KLHL13: variants seen among roughly 807,000 people sequenced by gnomAD.
The protein encoded by KLHL13 is kelch like family member 13, also known as kelch-like protein 13.
A neutral mutation model predicts 37.1 loss-of-function variants in KLHL13; 10 were observed. The ratio of observed to expected loss-of-function variants is 0.27; its 90% CI spans 0.17 to 0.46. KLHL13 has a LOEUF of 0.46. Ranked by LOEUF, KLHL13 falls within the 20% of genes least tolerant of loss-of-function variation. The probability of loss-of-function intolerance (pLI) is 1.00; values close to 1 mark genes in which losing one functional copy is unlikely to be tolerated. For synonymous variants in KLHL13, 163 were observed against 181.2 expected (o/e 0.90, Z 0.81); for missense variants, 360 against 509.3 (o/e 0.71, Z 2.82).
intron 5 of KLHL13, among the ~76,000 whole-genome samples, chrX:117,907,663 C>T (rs1296268904): frequency 7.2e-5 from 8 of 111,398 alleles, no homozygotes. Context: ...ACACTAAGGA[C>T]ACTTATGCCT....
chrX:118,031,003 G>C, intron 1 of KLHL13, among the ~76,000 whole-genome samples: 1 of 111,480 alleles, frequency 9.0e-6, no homozygotes, highest in Non-Finnish European at 1.9e-5. Context: ...AGATTCTCCA[G>C]AAAATAAACT....
intron 1 of KLHL13, among the ~76,000 whole-genome samples, chrX:118,103,246 T>A (rs181147213): frequency 8.9e-6 from 1 of 111,946 alleles, no homozygotes; most frequent in East Asian, 2.8e-4. Context: ...ATGCATAGAT[T>A]TTTTATTCTA....
intron 1 of KLHL13, among the ~76,000 whole-genome samples, chrX:118,101,261 A>G (rs1457400819): frequency 8.9e-6 from 1 of 112,005 alleles, no homozygotes; most frequent in Non-Finnish European, 1.9e-5. Context: ...GGTAAATAGG[A>G]AGAGTTGACA....
chrX:118,020,088 T>C (rs754533910), intron 1 of KLHL13, among the ~76,000 whole-genome samples: 2 of 110,779 alleles, frequency 1.8e-5, no homozygotes, highest in East Asian at 2.8e-4. Flanking sequence ...TTGGGCAGTA[T>C]GGTCATTTTC....
chrX:117,974,062 A>T (rs2053567540), upstream of KLHL13, among the ~76,000 whole-genome samples: 1 of 111,363 alleles, frequency 9.0e-6, no homozygotes, highest in Non-Finnish European at 1.9e-5. Flanking sequence ...TTGTTTCAAA[A>T]TACTGCCAGA....
At chrX:117,960,044 T>C (rs746012258) in intron 1 of KLHL13, among the ~76,000 whole-genome samples, 2 of 110,709 alleles carry the variant, frequency 1.8e-5, no homozygotes, top group African/African-American at 3.3e-5. Flanking sequence ...TTTAGTGCTC[T>C]AAAACACAAT....
chrX:118,069,111 A>ACT (rs769684290), intron 1 of KLHL13, among the ~76,000 whole-genome samples: 2 of 86,584 alleles, frequency 2.3e-5, no homozygotes, highest in Non-Finnish European at 4.3e-5. Flanking sequence ...CAGAAGAGTC[A>ACT]CACACACACA....
At chrX:118,091,685 A>C (rs1030919763) in intron 1 of KLHL13, among the ~76,000 whole-genome samples, 1 of 111,268 alleles carries the variant, frequency 9.0e-6, no homozygotes, top group Non-Finnish European at 1.9e-5. Context: ...GCAATATGAG[A>C]GATAAGAAGG....
At chrX:118,002,839 G>A (rs1317972348) in intron 1 of KLHL13, among the ~76,000 whole-genome samples, 1 of 111,321 alleles carries the variant, frequency 9.0e-6, no homozygotes, top group Non-Finnish European at 1.9e-5. Flanking sequence ...GTGTAAGGAA[G>A]TCCAACAAAG....
intron 1 of KLHL13, among the ~76,000 whole-genome samples, chrX:118,058,747 TCTGA>T (rs1381955538): frequency 8.9e-6 from 1 of 112,172 alleles, no homozygotes; most frequent in African/African-American, 3.2e-5. Context: ...TACCTGAACT[TCTGA>T]CTATTAAGCC....
chrX:117,946,886 C>A (rs1933349447), intron 1 of KLHL13: 1 of 111,667 alleles, frequency 9.0e-6, no homozygotes, highest in Non-Finnish European at 1.9e-5. Context: ...GGTTTTAAAT[C>A]TTGCAATAAT....
At chrX:117,948,694 G>A (rs1933440614) in intron 1 of KLHL13, among the ~76,000 whole-genome samples, 1 of 111,231 alleles carries the variant, frequency 9.0e-6, no homozygotes, top group Non-Finnish European at 1.9e-5. Flanking sequence ...CATATTGCTT[G>A]CATGCCACCC....
At chrX:117,975,533 T>C, upstream of KLHL13, among the ~76,000 whole-genome samples, 1 of 111,575 alleles carries the variant, frequency 9.0e-6, no homozygotes, top group East Asian at 2.8e-4. Flanking sequence ...TGGGATTACA[T>C]GCACCTGCCA....
At chrX:118,042,999 A>C (rs1389969290) in intron 1 of KLHL13, among the ~76,000 whole-genome samples, 1 of 110,987 alleles carries the variant, frequency 9.0e-6, no homozygotes, top group East Asian at 2.8e-4. Flanking sequence ...ACCCTGAGCC[A>C]GACAGAAAAA....
chrX:118,095,022 T>A (rs1274735540), intron 1 of KLHL13, among the ~76,000 whole-genome samples: 1 of 111,118 alleles, frequency 9.0e-6, no homozygotes, highest in East Asian at 2.8e-4. Context: ...AATGACAGGA[T>A]CAAATTCACA....
intron 1 of KLHL13, among the ~76,000 whole-genome samples, chrX:117,982,876 A>G (rs1239202384): frequency 8.9e-6 from 1 of 111,838 alleles, no homozygotes; most frequent in Non-Finnish European, 1.9e-5. Flanking sequence ...CAGTTGTCAT[A>G]GCAAACTGTA....
At chrX:117,929,733 G>C (rs1454312302) in intron 2 of KLHL13, among the ~76,000 whole-genome samples, 5 of 90,870 alleles carry the variant, frequency 5.5e-5, no homozygotes, top group African/African-American at 2.2e-4. Flanking sequence ...CTTGAGCCCA[G>C]CTGTTTGAGA....
chrX:117,963,882 G>A (rs1188166642), intron 1 of KLHL13, among the ~76,000 whole-genome samples: 148 of 103,886 alleles, frequency 1.4e-3, no homozygotes, highest in African/African-American at 5.0e-3. Flanking sequence ...ATGAGTTCAT[G>A]TCCTTTGTAG....
At chrX:118,099,118 A>C (rs2055252938) in intron 1 of KLHL13, among the ~76,000 whole-genome samples, 1 of 103,028 alleles carries the variant, frequency 9.7e-6, no homozygotes, top group African/African-American at 4.0e-5. Context: ...ATAATAATAA[A>C]ATTTAAAAAA....
Sources: allele counts gnomAD v4.1 joint callset (sites outside exome capture counted in the v4.1 genomes callset), GRCh38; gene constraint gnomAD v4.1.1; transcripts MANE v1.5; gene names NCBI Gene and HGNC (gene_info 2026-07-23, HGNC 2026-07-21).